The following PLA2G6 variants were observed in gnomAD, a reference collection of about 807,000 sequenced individuals.
PLA2G6 encodes the protein 85/88 kDa calcium-independent phospholipase A2.
PLA2G6 carries 62 observed loss-of-function variants against 83.8 expected under a neutral mutation model. That is an observed-to-expected ratio of 0.74 (90% confidence interval 0.60 to 0.91). The LOEUF is 0.91. PLA2G6 is among the 40% of genes least tolerant of loss of function. The pLI is 0.00. For synonymous variants in PLA2G6, 417 were observed against 449.8 expected (o/e 0.93, Z 0.92); for missense variants, 944 against 1,102.0 (o/e 0.86, Z 2.03).
At position 38,123,390 on chromosome 22, in the gene PLA2G6, T is replaced by G. The variant is rs544381003; in HGVS notation, c.1428-132A>C. ...CCCAGACGGACCCGAGGAACTTCTG[T>G]CCTATGCAGGACAGCGAGGGTGGGG... On this transcript the variant is annotated intron_variant, in intron 10 of 16. Transcript: ENST00000332509. This position sits in a 1 kb window ranked among gnomAD's most constrained non-coding sequence, Gnocchi z 4.1. 21 of 917,630 alleles carry G rather than the reference T, an allele frequency of 2.3e-5. No homozygotes were observed. Among genetic ancestry groups the G allele is most frequent in the Admixed American group, 1.0e-4 (5 of 50,072 alleles). The allele number at this position is 917,630 out of a possible 1,614,324, so 56.8% of individuals were successfully genotyped here.
At chr22:38,155,478 A>C (rs974772974) in intron 2 of PLA2G6, among the ~76,000 whole-genome samples, 3 of 152,170 alleles carry the variant, frequency 2.0e-5, no homozygotes, top group Admixed American at 6.6e-5. Context: ...AAAAATAATA[A>C]CTACAACTTT....
chr22:38,179,496 G>A (rs923289122), intron 1 of PLA2G6, among the ~76,000 whole-genome samples: 11 of 152,108 alleles, frequency 7.2e-5, no homozygotes, highest in Admixed American at 2.0e-4. Context: ...AAACTCTTAA[G>A]TTTGAGGCCT....
chr22:38,138,042 A>T (rs1023393445), intron 5 of PLA2G6: 1 of 152,188 alleles, frequency 6.6e-6, no homozygotes, highest in African/African-American at 2.4e-5. Flanking sequence ...CTCTTATGTG[A>T]TGGGACGCTG....
At chr22:38,160,922 C>T (rs2089984086) in intron 2 of PLA2G6, among the ~76,000 whole-genome samples, 1 of 152,018 alleles carries the variant, frequency 6.6e-6, no homozygotes, top group Non-Finnish European at 1.5e-5. Flanking sequence ...AGGAGGGCTT[C>T]TGGGGTGCTG....
chr22:38,117,765 C>T (rs1207872161), intron 12 of PLA2G6, among the ~76,000 whole-genome samples: 3 of 152,044 alleles, frequency 2.0e-5, no homozygotes, highest in South Asian at 4.2e-4. Flanking sequence ...TGGCCGGGCA[C>T]GGTGGCTCAC....
chr22:38,159,483 C>G (rs971533684), intron 2 of PLA2G6, among the ~76,000 whole-genome samples: 1 of 152,106 alleles, frequency 6.6e-6, no homozygotes, highest in African/African-American at 2.4e-5. Flanking sequence ...AATCCCAGCA[C>G]TTTGGGAGGC....
At chr22:38,137,970 T>C (rs1167627919) in intron 5 of PLA2G6, 1 of 152,342 alleles carries the variant, frequency 6.6e-6, no homozygotes, top group Non-Finnish European at 1.5e-5. Context: ...GCCAAGTCGA[T>C]AAGGGATCTC....
intron 1 of PLA2G6, among the ~76,000 whole-genome samples, chr22:38,169,800 C>G (rs2090363418): frequency 6.6e-6 from 1 of 152,148 alleles, no homozygotes; most frequent in Non-Finnish European, 1.5e-5. Context: ...TGGTATTGAC[C>G]AAAGGAGATA....
At position 38,112,629 on chromosome 22, in the gene PLA2G6, C is replaced by A; in HGVS notation, c.2203-52G>T. The stretch of plus-strand genomic sequence containing the variant: ...CCGGGCCCACACCCCGCCCGGCCCG[C>A]ACCCCGCCCGGCCCTGCCCTGCACT... On this transcript the variant is annotated intron_variant, in intron 15 of 16. Transcript: ENST00000332509. 5 of 1,464,380 alleles carry A rather than the reference C, an allele frequency of 3.4e-6. No individual in the cohort carries two copies. In the South Asian group the frequency reaches 6.1e-5, roughly 18 times the overall value. 90.7% of individuals were successfully genotyped at this position (1,464,380 alleles called of 1,614,324 possible).
At chr22:38,143,055 G>A in intron 4 of PLA2G6, 50 bp downstream of exon 4, 3 of 1,560,876 alleles carry the variant, frequency 1.9e-6, no homozygotes, top group Non-Finnish European at 2.7e-6. Context: ...AGGGAACCGT[G>A]GACACCGGGA....
At chr22:38,116,851 CAAAAAA>C (rs57712042) in intron 12 of PLA2G6, among the ~76,000 whole-genome samples, 2 of 37,644 alleles carry the variant, frequency 5.3e-5, no homozygotes, top group Non-Finnish European at 1.0e-4. Flanking sequence ...AACTCCGTCT[CAAAAAA>C]AAAAAAAAAA....
At chr22:38,180,819 G>A (rs2267370) in intron 1 of PLA2G6, among the ~76,000 whole-genome samples, 48,170 of 152,080 alleles carry the variant, frequency 0.32, 7,855 homozygotes, top group Admixed American at 0.39. Flanking sequence ...AGGAAACTGA[G>A]ACTTGGACAG....
chr22:38,135,138 G>T, intron 5 of PLA2G6, 54 bp from the exon 6 acceptor site: 1 of 1,247,434 alleles, frequency 8.0e-7, no homozygotes, highest in South Asian at 1.2e-5. Flanking sequence ...TGCGTGGCGT[G>T]GGATGAAGCC....
rs753792105 is a variant in PLA2G6, at chr22:38,116,120, G to A, written c.1834C>T (p.Arg612Cys). 112 of 1,614,096 alleles carry A rather than the reference G, an allele frequency of 6.9e-5. No individual in the cohort carries two copies. Among genetic ancestry groups the A allele is most frequent in the South Asian group, 6.5e-4 (59 of 91,082 alleles). ...YDAPETVREPRFNQNVNLRPP... is the reference protein window; with the variant it reads ...YDAPETVREPCFNQNVNLRPP... Reference sequence around the variant, plus strand: ...CTGAGGTTAACGTTCTGGTTGAAACGAGGCTCCCGGACAGTTTCTGGAGCA... The same window carrying A: ...CTGAGGTTAACGTTCTGGTTGAAACAAGGCTCCCGGACAGTTTCTGGAGCA... The change falls in exon 13 of 17, where the codon CGT (arginine) becomes TGT (cysteine). Residue 612 changes from arginine (R) to cysteine (C), a missense_variant. Arg to Cys is a radical substitution (Grantham distance 180). Transcript: ENST00000332509.
intron 5 of PLA2G6, 89 bp downstream of exon 5, chr22:38,139,893 G>A (rs2088792794): frequency 9.5e-7 from 1 of 1,055,972 alleles, no homozygotes; most frequent in Non-Finnish European, 1.4e-6. Flanking sequence ...TAAGATCTAT[G>A]GTGGATACTG....
Position 38,134,971 on chromosome 22 carries a change from CCT to C in PLA2G6, c.894+15_894+16del. 1 of 1,427,666 alleles carries C rather than the reference CCT, an allele frequency of 7.0e-7. No homozygotes were observed. Among genetic ancestry groups the C allele is most frequent in the Non-Finnish European group, 9.9e-7 (1 of 1,012,752 alleles). 88.4% of individuals were successfully genotyped at this position (1,427,666 alleles called of 1,614,324 possible). On this transcript the variant is annotated intron_variant, in intron 6 of 16. Transcript: ENST00000332509. ...CCCGGCCCCCTGCCCCACCCACCCA[CCT>C]CAGGATCCACTCACCTCTGCGTTCT...
rs920973775 is a variant in PLA2G6 at position 38,124,757 on chromosome 22, C to G, written c.1428-1499G>C. ...GGGATGCAGGAGGTGCCCAAGAGGG[C>G]TGATAAATGGAGGAGGCCCGGGTCC... On this transcript the variant is annotated intron_variant, in intron 10 of 16. Transcript: ENST00000332509. Among the ~76,000 whole-genome samples the G allele has an allele frequency of 3.3e-5, 5 of 152,206 alleles. No individual in the cohort carries two copies. In the South Asian group the frequency reaches 1.0e-3, roughly 32 times the overall value.
intron 15 of PLA2G6, 121 bp from the exon 16 acceptor site, chr22:38,112,698 G>A (rs567666184): frequency 4.9e-6 from 4 of 813,806 alleles, no homozygotes; most frequent in African/African-American, 1.7e-5. Flanking sequence ...TTCGAGTCAG[G>A]CTGAGCCACA....
chr22:38,113,439 G>A, intron 15 of PLA2G6, 48 bp downstream of exon 15: 1 of 1,585,040 alleles, frequency 6.3e-7, no homozygotes, highest in Non-Finnish European at 8.7e-7. Context: ...CATCGACCTG[G>A]GCTACAGACC....
Sources: allele counts gnomAD v4.1 joint callset (sites outside exome capture counted in the v4.1 genomes callset), GRCh38; gene constraint gnomAD v4.1.1; non-coding constraint Gnocchi (gnomAD v3.1); transcripts MANE v1.5; gene names NCBI Gene and HGNC (gene_info 2026-07-23, HGNC 2026-07-21).